The following C3orf20 variants were observed in gnomAD, a reference collection of about 807,000 sequenced individuals.
C3orf20 encodes the protein family with sequence similarity 149 member C.
A neutral mutation model predicts 88.3 loss-of-function variants in C3orf20; 76 were observed. That is an observed-to-expected ratio of 0.86 (90% confidence interval 0.72 to 1.04). The LOEUF is 1.04. Ranked by LOEUF, C3orf20 falls within the 50% of genes least tolerant of loss-of-function variation. The pLI is 0.00. For missense variants in C3orf20, 1,056 were observed against 1,123.3 expected, an observed-to-expected ratio of 0.94 and a Z score of 0.86; for synonymous variants, 436 against 437.4, an observed-to-expected ratio of 1.00 and a Z score of 0.04.
chr3:14,760,436 A>G (rs1242266949), intron 14 of C3orf20, among the ~76,000 whole-genome samples: 1 of 152,184 alleles, frequency 6.6e-6, no homozygotes, highest in East Asian at 1.9e-4. Flanking sequence ...TGTACCTGGC[A>G]CCTGCAAGGG....
chr3:14,757,791 CT>C, intron 13 of C3orf20, 117 bp downstream of exon 13: 1 of 878,718 alleles, frequency 1.1e-6, no homozygotes. Flanking sequence ...GGCCACCCTC[CT>C]TCAGCTCCTT....
Position 14,756,878 on chromosome 3 carries a change from G to A in C3orf20, c.1941-493G>A, listed in dbSNP as rs138490538. On this transcript the variant is annotated intron_variant, in intron 12 of 16. Transcript: ENST00000253697. Reference sequence around the variant, plus strand: ...TGAAGAGAGTAGTGACATGACGTGAGCTAGGTTTTAACAGGATCCCTTGGT... The same window carrying A: ...TGAAGAGAGTAGTGACATGACGTGAACTAGGTTTTAACAGGATCCCTTGGT... Among the ~76,000 whole-genome samples the A allele has an allele frequency of 4.1e-4, 63 of 152,348 alleles. 1 individual carries two copies. Among genetic ancestry groups the A allele is most frequent in the African/African-American group, 1.3e-3 (56 of 41,584 alleles).
At chr3:14,715,211 T>G in intron 8 of C3orf20, 78 bp from the exon 9 acceptor site, 1 of 1,551,444 alleles carries the variant, frequency 6.4e-7, no homozygotes, top group Non-Finnish European at 8.7e-7. Flanking sequence ...CTTACAGACC[T>G]GTCTGCCCAT....
intron 12 of C3orf20, among the ~76,000 whole-genome samples, chr3:14,738,429 T>C (rs1475815313): frequency 6.6e-6 from 1 of 151,014 alleles, no homozygotes; most frequent in African/African-American, 2.4e-5. Context: ...TCTGGGTTCA[T>C]GCCATTCTCC....
chr3:14,718,924 C>T (rs2034040082), intron 9 of C3orf20, among the ~76,000 whole-genome samples: 1 of 152,200 alleles, frequency 6.6e-6, no homozygotes, highest in South Asian at 2.1e-4. Flanking sequence ...ATTCTTTCTA[C>T]ACTTTCCTGT....
chr3:14,704,775 C>T (rs959020951), intron 7 of C3orf20, among the ~76,000 whole-genome samples, 157 bp downstream of exon 7: 1 of 152,100 alleles, frequency 6.6e-6, no homozygotes, highest in Non-Finnish European at 1.5e-5. Flanking sequence ...AGATCAGACT[C>T]AGGAGGTCAG....
At chr3:14,742,712 GT>G (rs1559434810) in intron 12 of C3orf20, among the ~76,000 whole-genome samples, 2 of 152,190 alleles carry the variant, frequency 1.3e-5, no homozygotes, top group East Asian at 1.9e-4. Context: ...ACAAAAAAAG[GT>G]TTAATTGGAC....
At position 14,768,690 on chromosome 3, in the gene C3orf20, T is replaced by C. The variant is rs113653261; in HGVS notation, c.2496-3377T>C. Among the ~76,000 whole-genome samples, 1,287 of 152,034 alleles carry C rather than the reference T, an allele frequency of 8.5e-3. 14 individuals carry two copies. The highest frequency in any genetic ancestry group is 0.014 in the Non-Finnish European group (967 of 68,000). On this transcript the variant is annotated intron_variant, in intron 15 of 16. Coordinates refer to ENST00000253697, the MANE Select transcript of C3orf20 (RefSeq NM_032137.5). This position sits in a 1 kb window ranked among gnomAD's most constrained non-coding sequence, Gnocchi z 4.1. Reference sequence around the variant, plus strand: ...GAGGGGGCGCTGAGTAGAGAGAAATTACCTTCCTGAAGTAGACCAGGGGCT... The same window carrying C: ...GAGGGGGCGCTGAGTAGAGAGAAATCACCTTCCTGAAGTAGACCAGGGGCT...
In C3orf20 at chr3:14,768,765, C is replaced by T. The variant is rs924849070; in HGVS notation, c.2496-3302C>T. 1.2e-4 allele frequency among the ~76,000 whole-genome samples: 19 copies of T among 152,048 alleles called. No individual in the cohort carries two copies. Among genetic ancestry groups the T allele is most frequent in the African/African-American group, 2.2e-4 (9 of 41,330 alleles). ...ACCATGGGGAGGTGGGCTCCACACC[C>T]GACAAGGGCCTGTTCTTGTGGATGC... On this transcript the variant is annotated intron_variant, in intron 15 of 16. Coordinates refer to ENST00000253697, the MANE Select transcript of C3orf20 (RefSeq NM_032137.5). This position sits in a 1 kb window ranked among gnomAD's most constrained non-coding sequence, Gnocchi z 4.1.
intron 15 of C3orf20, among the ~76,000 whole-genome samples, chr3:14,771,409 C>T (rs2035855346): frequency 1.3e-5 from 2 of 152,238 alleles, no homozygotes. Context: ...TTCTGGATGC[C>T]AGAAGCTTGG....
At chr3:14,744,511 C>T (rs1179542173) in intron 12 of C3orf20, among the ~76,000 whole-genome samples, 1 of 152,012 alleles carries the variant, frequency 6.6e-6, no homozygotes, top group African/African-American at 2.4e-5. Context: ...TCCAAAGTCA[C>T]TTCCACATTT....
intron 5 of C3orf20, among the ~76,000 whole-genome samples, chr3:14,694,979 C>T (rs1217764602): frequency 6.6e-6 from 1 of 152,084 alleles, no homozygotes; most frequent in Admixed American, 6.5e-5. Context: ...TTAGTAGAGA[C>T]AGGGTTTCAC....
intron 4 of C3orf20, among the ~76,000 whole-genome samples, chr3:14,684,686 AT>A (rs2032303710): frequency 6.6e-6 from 1 of 152,204 alleles, no homozygotes; most frequent in East Asian, 1.9e-4. Flanking sequence ...CATGTTTAAA[AT>A]TTCCAGTCTG....
intron 13 of C3orf20, among the ~76,000 whole-genome samples, chr3:14,758,123 C>T (rs1037927906): frequency 1.1e-4 from 16 of 152,280 alleles, no homozygotes; most frequent in Admixed American, 2.0e-4. Flanking sequence ...AGATGCAAAC[C>T]GGGCCCTAGA....
rs2033900821 is a variant in C3orf20 at position 14,715,374 on chromosome 3, TC to T, written c.1401del (p.Arg468GlyfsTer12). 1 of 1,612,366 alleles carries T rather than the reference TC, an allele frequency of 6.2e-7. No homozygotes were observed. Among genetic ancestry groups the T allele is most frequent in the Non-Finnish European group, 8.5e-7 (1 of 1,179,770 alleles). On this transcript the variant is annotated frameshift_variant, in exon 9 of 17. Transcript: ENST00000253697. LOFTEE classifies it high-confidence loss of function. Reference sequence around the variant, plus strand: ...TGTAGTCCACAAGTGGAGCTGGACTTCCAGGACAGAGACCCTGCTTTCCCTG... The same window carrying T: ...TGTAGTCCACAAGTGGAGCTGGACTTCAGGACAGAGACCCTGCTTTCCCTG... Reference protein sequence around the residue: ...GYVVHKWSWTSRTETLLSLEY... With the variant: ...GYVVHKWSWTXRTETLLSLEY...
chr3:14,715,466 C>G, intron 9 of C3orf20, 57 bp downstream of exon 9: 2 of 1,568,788 alleles, frequency 1.3e-6, no homozygotes, highest in African/African-American at 1.3e-5. Context: ...CAGGGAGGGT[C>G]TGGGCATCCT....
chr3:14,744,659 G>A (rs1237971912), intron 12 of C3orf20, among the ~76,000 whole-genome samples: 3 of 151,990 alleles, frequency 2.0e-5, no homozygotes, highest in African/African-American at 7.3e-5. Flanking sequence ...CCATGGCTGG[G>A]GAGGCCTTAG....
intron 15 of C3orf20, among the ~76,000 whole-genome samples, chr3:14,769,103 C>T (rs1334179141): frequency 1.3e-5 from 2 of 152,060 alleles, no homozygotes; most frequent in African/African-American, 2.4e-5. Context: ...GGTGCCAAGG[C>T]GCTGAGACCA....
chr3:14,678,248 C>T lies in C3orf20; in HGVS notation c.-299+2996C>T, dbSNP rs538627261. Among the ~76,000 whole-genome samples the T allele has an allele frequency of 3.9e-5, 6 of 152,340 alleles. No individual in the cohort carries two copies. The South Asian group carries it at 1.2e-3, about 32-fold the overall frequency. ...TGTGCTGACCCTTCACACACACCAC[C>T]TCACTAATCCTCACAGTCCTTGAAG... On this transcript the variant is annotated intron_variant, in intron 1 of 16. Coordinates refer to ENST00000253697, the MANE Select transcript of C3orf20 (RefSeq NM_032137.5).
Sources: allele counts gnomAD v4.1 joint callset (sites outside exome capture counted in the v4.1 genomes callset), GRCh38; gene constraint gnomAD v4.1.1; non-coding constraint Gnocchi (gnomAD v3.1); transcripts MANE v1.5; gene names NCBI Gene and HGNC (gene_info 2026-07-23, HGNC 2026-07-21).